Variants in MSANTD5 observed in about 807,000 individuals in gnomAD.
The protein encoded by MSANTD5 is uncharacterized protein MSANTD5.
chr5:178,702,714 C>G, the MSANTD5 span, among the ~76,000 whole-genome samples: 1 of 152,054 alleles, frequency 6.6e-6, no homozygotes, highest in Non-Finnish European at 1.5e-5. Flanking sequence ...TCTTCTGCCT[C>G]AGCCTCCCGA....
chr5:178,702,783 G>C, the MSANTD5 span, among the ~76,000 whole-genome samples: 1 of 151,698 alleles, frequency 6.6e-6, no homozygotes, highest in South Asian at 2.1e-4. Context: ...TTTTTTAGTA[G>C]AGATGGGGTT....
At chr5:178,697,346 C>A (rs531844855) in intron 1 of MSANTD5, among the ~76,000 whole-genome samples, 1 of 151,728 alleles carries the variant, frequency 6.6e-6, no homozygotes, top group Non-Finnish European at 1.5e-5. Flanking sequence ...CCCAGCTACT[C>A]GGGAGGCTGA....
the MSANTD5 span, among the ~76,000 whole-genome samples, chr5:178,703,079 A>G: frequency 7.9e-5 from 12 of 152,354 alleles, no homozygotes; most frequent in Non-Finnish European, 1.8e-4. Flanking sequence ...CCATGAAGAC[A>G]TCATGTTCCT....
chr5:178,695,202 C>T (rs1765398587), intron 3 of MSANTD5, 85 bp downstream of exon 3: 1 of 152,362 alleles, frequency 6.6e-6, no homozygotes, highest in African/African-American at 2.4e-5. Flanking sequence ...CTTTGCTCTA[C>T]TCAGGGCACA....
chr5:178,692,687 T>C (rs1459007161), downstream of MSANTD5, among the ~76,000 whole-genome samples: 1 of 152,064 alleles, frequency 6.6e-6, no homozygotes, highest in African/African-American at 2.4e-5. Context: ...CCCAAAAGGC[T>C]ACATACCGTA....
upstream of MSANTD5, among the ~76,000 whole-genome samples, chr5:178,700,536 C>T (rs1765466026): frequency 6.7e-6 from 1 of 148,438 alleles, no homozygotes; most frequent in Non-Finnish European, 1.5e-5. Context: ...TTGGTCCTGC[C>T]CCACCTCACT....
At chr5:178,703,577 A>T in the MSANTD5 span, among the ~76,000 whole-genome samples, 16 of 152,310 alleles carry the variant, frequency 1.1e-4, no homozygotes, top group Admixed American at 9.8e-4. Context: ...TCGATAAAGA[A>T]ATAAGACCTA....
At chr5:178,700,426 A>G (rs1765464706), upstream of MSANTD5, among the ~76,000 whole-genome samples, 1 of 152,182 alleles carries the variant, frequency 6.6e-6, no homozygotes, top group Non-Finnish European at 1.5e-5. Context: ...ACTGTGGAGA[A>G]AAGTCCTCTG....
At chr5:178,705,898 A>C in the MSANTD5 span, among the ~76,000 whole-genome samples, 1 of 151,764 alleles carries the variant, frequency 6.6e-6, no homozygotes, top group Non-Finnish European at 1.5e-5. Flanking sequence ...CAGAGCTTGC[A>C]GTGAGCCGAG....
the MSANTD5 span, among the ~76,000 whole-genome samples, chr5:178,705,941 AGT>A: frequency 6.6e-6 from 1 of 152,174 alleles, no homozygotes; most frequent in African/African-American, 2.4e-5. Flanking sequence ...TGAGTGACAG[AGT>A]GAGACTCTGT....
the MSANTD5 span, chr5:178,706,811 G>A: frequency 1.3e-5 from 2 of 152,026 alleles, no homozygotes; most frequent in African/African-American, 2.4e-5. Flanking sequence ...TCATGACCTT[G>A]GGAATCTGCT....
At chr5:178,705,847 C>T in the MSANTD5 span, among the ~76,000 whole-genome samples, 1 of 152,130 alleles carries the variant, frequency 6.6e-6, no homozygotes, top group Non-Finnish European at 1.5e-5. Context: ...GTCCCAGCTA[C>T]TCAGGAGGCT....
the MSANTD5 span, among the ~76,000 whole-genome samples, chr5:178,704,604 T>C: frequency 2.0e-5 from 3 of 152,176 alleles, no homozygotes; most frequent in Non-Finnish European, 4.4e-5. Context: ...AATGGGTATG[T>C]AGTGATATCA....
At chr5:178,694,261 A>G (rs1228374984), downstream of MSANTD5, among the ~76,000 whole-genome samples, 1 of 145,754 alleles carries the variant, frequency 6.9e-6, no homozygotes, top group East Asian at 2.1e-4. Flanking sequence ...GGTTGCAGTG[A>G]GCCGAGATCA....
chr5:178,693,548 G>T (rs778495861), downstream of MSANTD5, among the ~76,000 whole-genome samples: 1 of 152,012 alleles, frequency 6.6e-6, no homozygotes, highest in Admixed American at 6.6e-5. Flanking sequence ...GCTCTTAAAG[G>T]TGGTGCAGAC....
chr5:178,704,238 T>A, the MSANTD5 span, among the ~76,000 whole-genome samples: 8 of 152,334 alleles, frequency 5.3e-5, no homozygotes, highest in African/African-American at 1.7e-4. Context: ...CACATCTGAA[T>A]GCTTGCGTAC....
At chr5:178,702,139 A>T (rs1317583290), upstream of MSANTD5, among the ~76,000 whole-genome samples, 1 of 151,760 alleles carries the variant, frequency 6.6e-6, no homozygotes, top group African/African-American at 2.4e-5. Flanking sequence ...GTAGTTTCTG[A>T]TGTACCAAGG....
chr5:178,693,534 T>C (rs1051137066), downstream of MSANTD5, among the ~76,000 whole-genome samples: 1 of 152,102 alleles, frequency 6.6e-6, no homozygotes, highest in African/African-American at 2.4e-5. Context: ...CCGCGGGTGT[T>C]ATAGCTCTTA....
At chr5:178,698,085 G>A (rs947233383), upstream of MSANTD5, among the ~76,000 whole-genome samples, 1 of 152,146 alleles carries the variant, frequency 6.6e-6, no homozygotes, top group Non-Finnish European at 1.5e-5. Flanking sequence ...GACCTCTGAG[G>A]ATTAATTGCG....
Sources: allele counts gnomAD v4.1 joint callset (sites outside exome capture counted in the v4.1 genomes callset), GRCh38; gene constraint gnomAD v4.1.1; transcripts MANE v1.5; gene names NCBI Gene and HGNC (gene_info 2026-07-23, HGNC 2026-07-21).